PLD1: variants seen among roughly 807,000 people sequenced by gnomAD.
PLD1 encodes the protein phospholipase D1, also known as choline phosphatase 1.
PLD1 carries 112 observed loss-of-function variants against 137.1 expected under a neutral mutation model. The ratio of observed to expected loss-of-function variants is 0.82; its 90% CI spans 0.70 to 0.96. PLD1 has a LOEUF of 0.96. PLD1 is among the 40% of genes least tolerant of loss of function. PLD1 has a pLI of 0.00. For synonymous variants in PLD1, 431 were observed against 454.7 expected (o/e 0.95, Z 0.66); for missense variants, 1,321 against 1,342.0 (o/e 0.98, Z 0.24).
At chr3:171,807,512 AC>A (rs1723899366) in intron 1 of PLD1, among the ~76,000 whole-genome samples, 1 of 152,230 alleles carries the variant, frequency 6.6e-6, no homozygotes, top group African/African-American at 2.4e-5. Flanking sequence ...AAAAATGGCT[AC>A]AATGGTAAAT....
At chr3:171,695,457 A>T (rs1715598310) in intron 12 of PLD1, among the ~76,000 whole-genome samples, 1 of 152,228 alleles carries the variant, frequency 6.6e-6, no homozygotes, top group Non-Finnish European at 1.5e-5. Flanking sequence ...TTTCCATAGA[A>T]TAAATTTCAT....
At chr3:171,691,006 A>G (rs560963880) in intron 13 of PLD1, among the ~76,000 whole-genome samples, 5 of 152,184 alleles carry the variant, frequency 3.3e-5, no homozygotes, top group Non-Finnish European at 5.9e-5. Flanking sequence ...AGGTACATAA[A>G]TATGTATAAT....
At chr3:171,716,085 G>A (rs1336277238) in intron 8 of PLD1, among the ~76,000 whole-genome samples, 1 of 152,058 alleles carries the variant, frequency 6.6e-6, no homozygotes, top group Non-Finnish European at 1.5e-5. Flanking sequence ...CCATGTTGCT[G>A]CAAAGTACAT....
Position 171,659,210 on chromosome 3 carries a change from TA to T in PLD1, c.2429+2del. The T allele has an allele frequency of 3.1e-6, 5 of 1,599,276 alleles. No homozygotes were observed. The highest frequency in any genetic ancestry group is 4.3e-6 in the Non-Finnish European group (5 of 1,166,412). On this transcript the variant is annotated splice_donor_variant, in intron 21 of 26. Transcript: ENST00000351298. LOFTEE classifies it high-confidence loss of function. ...GCGAGAACTCTCAGCCAAAGGCTGT[TA>T]CCTGTGAGCTTTCAGGATCCTCTGG... is the stretch of plus-strand genomic sequence containing the variant.
At chr3:171,787,065 A>G (rs1723037036) in intron 1 of PLD1, among the ~76,000 whole-genome samples, 1 of 152,226 alleles carries the variant, frequency 6.6e-6, no homozygotes, top group East Asian at 1.9e-4. Flanking sequence ...TCATATCTAC[A>G]GTAGAGTGCT....
intron 1 of PLD1, among the ~76,000 whole-genome samples, chr3:171,765,879 G>A (rs1483887277): frequency 6.6e-6 from 1 of 152,152 alleles, no homozygotes; most frequent in Admixed American, 6.5e-5. Flanking sequence ...CTGGACTGAT[G>A]TTTCAGGTAT....
At chr3:171,799,667 A>C (rs1669048535) in intron 1 of PLD1, among the ~76,000 whole-genome samples, 1 of 152,218 alleles carries the variant, frequency 6.6e-6, no homozygotes, top group Non-Finnish European at 1.5e-5. Context: ...GTAACTTTAC[A>C]ATGGAAAACA....
At chr3:171,742,154 C>T (rs1319924513) in intron 1 of PLD1, among the ~76,000 whole-genome samples, 2 of 152,184 alleles carry the variant, frequency 1.3e-5, no homozygotes, top group Non-Finnish European at 2.9e-5. Context: ...CAGCTACTTG[C>T]CAATCCAGAG....
chr3:171,772,264 C>T (rs1198320354), intron 1 of PLD1, among the ~76,000 whole-genome samples: 1 of 152,170 alleles, frequency 6.6e-6, no homozygotes, highest in African/African-American at 2.4e-5. Context: ...TTAAATGAGA[C>T]TTATTTCAAC....
chr3:171,701,852 A>G (rs1164020769), intron 11 of PLD1, among the ~76,000 whole-genome samples: 1 of 152,222 alleles, frequency 6.6e-6, no homozygotes, highest in African/African-American at 2.4e-5. Context: ...GAAAGAAAAC[A>G]TCATGACAAC....
At chr3:171,644,120 G>A (rs899964905) in intron 22 of PLD1, among the ~76,000 whole-genome samples, 1 of 152,018 alleles carries the variant, frequency 6.6e-6, no homozygotes, top group East Asian at 1.9e-4. Flanking sequence ...AGTATCATTC[G>A]TCCTCTCCCA....
intron 12 of PLD1, among the ~76,000 whole-genome samples, chr3:171,696,520 T>C (rs577543420): frequency 1.3e-5 from 2 of 152,326 alleles, no homozygotes; most frequent in East Asian, 1.9e-4. Context: ...TCTCAGAATA[T>C]CTGCACAATC....
At position 171,725,984 on chromosome 3, in the gene PLD1, T is replaced by A. The variant is rs374952600; in HGVS notation, c.665+34A>T. On this transcript the variant is annotated intron_variant, in intron 7 of 26. Coordinates refer to ENST00000351298, the MANE Select transcript of PLD1 (RefSeq NM_002662.5). ...TTAAGTGTGAATGCAAATCAATTTT[T>A]CATACTTCTCTTTTAAGGTTTATTG... 5 of 1,460,168 alleles carry A rather than the reference T, an allele frequency of 3.4e-6. No homozygotes were observed. In the African/African-American group the frequency reaches 6.9e-5, roughly 20 times the overall value. 90.5% of individuals were successfully genotyped at this position (1,460,168 alleles called of 1,614,324 possible).
intron 1 of PLD1, 134 bp from the exon 2 acceptor site, chr3:171,738,216 A>G (rs964026254): frequency 6.7e-6 from 3 of 447,922 alleles, no homozygotes; most frequent in African/African-American, 6.0e-5. Flanking sequence ...CAGTTATCCA[A>G]AACAACCTTT....
intron 1 of PLD1, among the ~76,000 whole-genome samples, chr3:171,767,960 G>GA (rs1023884676): frequency 2.6e-5 from 4 of 151,560 alleles, no homozygotes; most frequent in East Asian, 3.9e-4. Flanking sequence ...AAGAGAGGGG[G>GA]GCTGGGGCTT....
At chr3:171,778,760 G>A (rs78218424) in intron 1 of PLD1, among the ~76,000 whole-genome samples, 582 of 152,346 alleles carry the variant, frequency 3.8e-3, no homozygotes, top group African/African-American at 0.013. Context: ...AGGGAGTCCA[G>A]TTATGTATGG....
intron 11 of PLD1, among the ~76,000 whole-genome samples, chr3:171,702,193 G>A (rs143221601): frequency 1.3e-5 from 2 of 151,966 alleles, no homozygotes; most frequent in African/African-American, 2.4e-5. Context: ...AAAAATAAAT[G>A]ACAAAAAAAT....
intron 9 of PLD1, 124 bp downstream of exon 9, chr3:171,713,769 T>G (rs1578338431): frequency 1.3e-6 from 1 of 776,806 alleles, no homozygotes; most frequent in Non-Finnish European, 2.1e-6. Context: ...TACTATTGAT[T>G]GAGGATGAGC....
intron 8 of PLD1, among the ~76,000 whole-genome samples, chr3:171,714,775 A>G (rs1313367653): frequency 6.6e-6 from 1 of 152,168 alleles, no homozygotes; most frequent in Non-Finnish European, 1.5e-5. Flanking sequence ...TACATAAGTT[A>G]TCTCCTTCCT....
Sources: allele counts gnomAD v4.1 joint callset (sites outside exome capture counted in the v4.1 genomes callset), GRCh38; gene constraint gnomAD v4.1.1; transcripts MANE v1.5; gene names NCBI Gene and HGNC (gene_info 2026-07-23, HGNC 2026-07-21).